The following DNAH17 variants were observed in gnomAD, a reference collection of about 807,000 sequenced individuals.
DNAH17 encodes the protein dynein axonemal heavy chain 17.
In DNAH17, 376 loss-of-function variants were observed where a neutral mutation model predicts 485.6. The ratio of observed to expected loss-of-function variants is 0.77; its 90% CI spans 0.71 to 0.84. The LOEUF (loss-of-function observed/expected upper bound fraction) is 0.84. Ranked by LOEUF, DNAH17 falls within the 40% of genes least tolerant of loss-of-function variation. DNAH17 has a pLI of 0.00. For missense variants in DNAH17, 6,370 were observed against 5,839.3 expected, an observed-to-expected ratio of 1.09 and a Z score of -2.96; for synonymous variants, 3,031 against 2,405.9, an observed-to-expected ratio of 1.26 and a Z score of -7.60.
Position 78,426,557 on chromosome 17 carries a change from G to A in DNAH17, c.12815C>T (p.Ala4272Val). ...ITTDVEDLST[A>V]LFYDTVPDTW... is the part of the protein sequence containing the mutation. ...ATCAGGCACGGTGTCATAGAAGAGA[G>A]CCGTGGACAGATCTTCCACGTCGGT... is the stretch of plus-strand genomic sequence containing the variant. The change falls in exon 79 of 81, where the codon GCT (alanine) becomes GTT (valine). Residue 4272 changes from alanine (A) to valine (V), a missense_variant. Transcript: ENST00000389840. The A allele has an allele frequency of 1.9e-6, 3 of 1,613,410 alleles. No homozygotes were observed. Among genetic ancestry groups the A allele is most frequent in the Non-Finnish European group, 2.5e-6 (3 of 1,179,540 alleles).
chr17:78,429,036 T>A (rs900627740), intron 76 of DNAH17, 85 bp downstream of exon 76: 2 of 1,451,126 alleles, frequency 1.4e-6, no homozygotes, highest in African/African-American at 2.8e-5. Context: ...GCTCAATTAT[T>A]GACACTCCAT....
rs1108366 is a variant in DNAH17, at chr17:78,561,861, G to C, written c.1689C>G (p.Tyr563Ter). 2 of 1,613,800 alleles carry C rather than the reference G, an allele frequency of 1.2e-6. No homozygotes were observed. The highest frequency in any genetic ancestry group is 1.7e-5 in the Admixed American group (1 of 60,010). The part of the protein sequence containing the change: ...DAELDNAKIL[Y>*]DAQMAASEEG... Reference sequence around the variant, plus strand: ...CCTCGGAGGCCGCCATCTGGGCATCGTACAAGATCTTAGCATTGTCTAGCT... The same window carrying C: ...CCTCGGAGGCCGCCATCTGGGCATCCTACAAGATCTTAGCATTGTCTAGCT... The change falls in exon 12 of 81, where the codon TAC becomes TAG. Residue 563 changes from tyrosine (Y) to a stop codon, truncating the protein, a stop_gained. Coordinates refer to ENST00000389840, the MANE Select transcript of DNAH17 (RefSeq NM_173628.4). LOFTEE classifies it high-confidence loss of function.
intron 17 of DNAH17, 40 bp from the exon 18 acceptor site, chr17:78,539,920 C>G: frequency 6.6e-7 from 1 of 1,522,116 alleles, no homozygotes; most frequent in Non-Finnish European, 8.8e-7. Context: ...ACTTCACTGG[C>G]TGTGCTTGCT....
Position 78,434,120 on chromosome 17 carries a change from G to A in DNAH17, c.12134C>T (p.Ala4045Val). 1 of 1,613,686 alleles carries A rather than the reference G, an allele frequency of 6.2e-7. No individual in the cohort carries two copies. The highest frequency in any genetic ancestry group is 8.5e-7 in the Non-Finnish European group (1 of 1,179,850). The stretch of plus-strand genomic sequence containing the variant: ...GGGGTACGACCGGTTCCAGCCCTGG[G>A]CGCCGAACTTGCGCCTCTCTGCCAC... The part of the protein sequence containing the change: ...AVVAERRKFG[A>V]QGWNRSYPFN... The change falls in exon 75 of 81, where the codon GCC becomes GTC. Residue 4045 changes from alanine (A) to valine (V), a missense_variant. Transcript: ENST00000389840.
intron 11 of DNAH17, among the ~76,000 whole-genome samples, chr17:78,565,373 C>A (rs2092246182): frequency 6.6e-6 from 1 of 152,216 alleles, no homozygotes; most frequent in Non-Finnish European, 1.5e-5. Context: ...TTACTTGATC[C>A]TTAATTTGCG....
chr17:78,433,907 A>AAAGGAAAGGGAGGG (rs1360849905), intron 75 of DNAH17, 122 bp downstream of exon 75: 4 of 579,740 alleles, frequency 6.9e-6, no homozygotes, highest in East Asian at 8.1e-5. Flanking sequence ...ACAAAGACCA[A>AAAGGAAAGGGAGGG]AAGGAAAGGG....
chr17:78,559,297 G>A (rs12936377), intron 13 of DNAH17, among the ~76,000 whole-genome samples: 2,633 of 152,304 alleles, frequency 0.017, 30 homozygotes, highest in Non-Finnish European at 0.028. Context: ...GGATGTCCAG[G>A]TGACATCTCA....
chr17:78,453,811 C>G (rs911714421), intron 64 of DNAH17, among the ~76,000 whole-genome samples: 2 of 152,180 alleles, frequency 1.3e-5, no homozygotes, highest in African/African-American at 4.8e-5. Flanking sequence ...TCGCAGCCTC[C>G]TGAGTAGCTG....
intron 71 of DNAH17, 123 bp from the exon 72 acceptor site, chr17:78,441,322 G>A (rs1195956966): frequency 2.7e-6 from 3 of 1,093,912 alleles, no homozygotes; most frequent in Admixed American, 2.6e-5. Flanking sequence ...AGCGGGACAA[G>A]GCCTGTGGCA....
Position 78,500,407 on chromosome 17 carries a change from G to A in DNAH17, c.5538C>T (p.Ala1846=), listed in dbSNP as rs561063203. The A allele has an allele frequency of 1.3e-5, 21 of 1,611,164 alleles. No individual in the cohort carries two copies. The highest frequency in any genetic ancestry group is 1.7e-4 in the Middle Eastern group (1 of 6,044). ...CAGTCTTGCCGGTCCCAGCGGGGCC[G>A]GCAGGGGCTCCACCCATGATGAGAT... ...SLHLIMGGAP[A]GPAGTGKTET... is the part of the protein sequence containing the mutation. Residue 1846 remains alanine (A), a synonymous_variant, in exon 36 of 81, where the codon GCC becomes GCT. Transcript: ENST00000389840.
At position 78,558,357 on chromosome 17, in the gene DNAH17, C is replaced by CG. The variant is rs1026461109; in HGVS notation, c.2032-104dup. On this transcript the variant is annotated intron_variant, in intron 13 of 80. Coordinates refer to ENST00000389840, the MANE Select transcript of DNAH17 (RefSeq NM_173628.4). Reference sequence around the variant, plus strand: ...ATCTGCCCTGGGATGTTTTGACAGCCGGGGGGGATCTCAAAGTTGGTGGGA... The same window carrying CG: ...ATCTGCCCTGGGATGTTTTGACAGCCGGGGGGGGATCTCAAAGTTGGTGGGA... The CG allele has an allele frequency of 9.1e-5, 127 of 1,395,338 alleles. 1 individual carries two copies. Among genetic ancestry groups the CG allele is most frequent in the African/African-American group, 5.5e-4 (38 of 68,932 alleles). The allele number at this position is 1,395,338 out of a possible 1,614,324, so 86.4% of individuals were successfully genotyped here.
chr17:78,531,175 C>G (rs1480319991), intron 20 of DNAH17, among the ~76,000 whole-genome samples: 2 of 151,972 alleles, frequency 1.3e-5, no homozygotes, highest in African/African-American at 2.4e-5. Flanking sequence ...GTACTGGGGT[C>G]TCTCCCTTTA....
chr17:78,529,379 C>A (rs2091165673), intron 22 of DNAH17, 93 bp downstream of exon 22: 3 of 1,226,128 alleles, frequency 2.4e-6, no homozygotes, highest in African/African-American at 1.5e-5. Context: ...CCACAGCATC[C>A]CCCATGGTTG....
chr17:78,472,914 T>A, intron 54 of DNAH17: 1 of 307,838 alleles, frequency 3.2e-6, no homozygotes, highest in South Asian at 2.3e-5. Flanking sequence ...GCCCGCTCTA[T>A]CCCCTGATCA....
Position 78,558,242 on chromosome 17 carries a change from G to A in DNAH17, c.2044C>T (p.Leu682=), listed in dbSNP as rs760638619. 5 of 1,613,598 alleles carry A rather than the reference G, an allele frequency of 3.1e-6. No individual in the cohort carries two copies. The Admixed American group carries it at 8.3e-5, about 27-fold the overall frequency. ...AAATTCAAATACTTGACTTCTCTCA[G>A]AACTGCCACCAACTAAATGACAAAC... ...VNFSKALVAV[L]REVKYLNFQQ... Residue 682 remains leucine, a synonymous_variant, in exon 14 of 81, where the codon CTG becomes TTG. Transcript: ENST00000389840.
intron 37 of DNAH17, among the ~76,000 whole-genome samples, chr17:78,497,881 G>A (rs1169761051): frequency 2.6e-5 from 4 of 152,138 alleles, no homozygotes; most frequent in South Asian, 2.1e-4. Context: ...AACGGCTCAC[G>A]CCTGTAATCC....
At chr17:78,573,943 C>T (rs1225385739) in intron 2 of DNAH17, among the ~76,000 whole-genome samples, 1 of 152,178 alleles carries the variant, frequency 6.6e-6, no homozygotes. Flanking sequence ...TCCCCCCCAC[C>T]TACACAGCAC....
chr17:78,569,338 G>A lies in DNAH17; in HGVS notation c.1197+37C>T, dbSNP rs140086563. Reference sequence around the variant, plus strand: ...TATCGGGGCTCATATGAACTCACTCGTCCTGCCTTGGCCCTCGCCCTGCGA... The same window carrying A: ...TATCGGGGCTCATATGAACTCACTCATCCTGCCTTGGCCCTCGCCCTGCGA... On this transcript the variant is annotated intron_variant, in intron 8 of 80. Transcript: ENST00000389840. The A allele has an allele frequency of 8.0e-5, 129 of 1,609,558 alleles. No homozygotes were observed. The East Asian group carries it at 8.9e-4, about 11-fold the overall frequency.
intron 21 of DNAH17, 90 bp from the exon 22 acceptor site, chr17:78,529,784 G>T: frequency 7.6e-7 from 1 of 1,310,294 alleles, no homozygotes; most frequent in South Asian, 1.4e-5. Context: ...GGACGACCGC[G>T]GTGAGGTCAA....
Sources: allele counts gnomAD v4.1 joint callset (sites outside exome capture counted in the v4.1 genomes callset), GRCh38; gene constraint gnomAD v4.1.1; transcripts MANE v1.5; gene names NCBI Gene and HGNC (gene_info 2026-07-23, HGNC 2026-07-21).